Variants in PES1 observed in about 807,000 individuals in gnomAD.
PES1 encodes pescadillo ribosomal biogenesis factor 1, also known as pescadillo homolog.
A neutral mutation model predicts 77.1 loss-of-function variants in PES1; 31 were observed. The observed-to-expected ratio is 0.40, with a 90% CI of 0.30 to 0.54. The LOEUF (loss-of-function observed/expected upper bound fraction) is 0.54. Among genes scored for constraint, PES1 ranks in the 20% least tolerant of loss-of-function variants. The pLI is 0.45. For synonymous variants in PES1, 282 were observed against 303.0 expected (o/e 0.93, Z 0.72); for missense variants, 658 against 771.7 (o/e 0.85, Z 1.75).
rs535634415 is a variant in PES1, at chr22:30,584,438, T to C, written c.557A>G (p.Lys186Arg). Residue 186 changes from lysine (K) to arginine (R), a missense_variant, in exon 6 of 15, where the codon AAA becomes AGA. Lys to Arg is a conservative substitution (Grantham distance 26). Transcript: ENST00000354694. ...RALRKVFLSI[K>R]GIYYQAEVLG... is the part of the protein sequence containing the mutation. The stretch of plus-strand genomic sequence containing the variant: ...TACCTCGGCCTGGTAGTAAATGCCT[T>C]TGATGGACAGGAAGACCTAGGGGAG... 20 of 1,612,258 alleles carry C rather than the reference T, an allele frequency of 1.2e-5. No homozygotes were observed. The Middle Eastern group carries it at 5.0e-4, about 40-fold the overall frequency.
chr22:30,588,298 C>G, intron 2 of PES1, 124 bp from the exon 3 acceptor site: 1 of 988,786 alleles, frequency 1.0e-6, no homozygotes, highest in African/African-American at 1.6e-5. Flanking sequence ...AGAGACCTCA[C>G]ATCCTAGTAC....
At chr22:30,589,479 A>C (rs982650175) in intron 1 of PES1, among the ~76,000 whole-genome samples, 1 of 152,148 alleles carries the variant, frequency 6.6e-6, no homozygotes, top group Non-Finnish European at 1.5e-5. Context: ...GAACACATAC[A>C]TCTGCATGAT....
intron 4 of PES1, among the ~76,000 whole-genome samples, chr22:30,585,980 G>GGA (rs1325874315): frequency 1.3e-5 from 2 of 152,220 alleles, no homozygotes; most frequent in African/African-American, 4.8e-5. Flanking sequence ...CTGGTGCCTT[G>GGA]TAGTTTCCTC....
intron 3 of PES1, among the ~76,000 whole-genome samples, chr22:30,587,774 A>G (rs2087114513): frequency 1.3e-5 from 2 of 152,266 alleles, no homozygotes; most frequent in South Asian, 2.1e-4. Flanking sequence ...AGACTATATC[A>G]GCATGAAACA....
chr22:30,594,381 G>A (rs1327148173), upstream of PES1, among the ~76,000 whole-genome samples: 5 of 151,796 alleles, frequency 3.3e-5, no homozygotes, highest in South Asian at 4.2e-4. Context: ...TTGTCTGGGC[G>A]TGGTGATGCA....
Position 30,581,017 on chromosome 22 carries a change from C to A in PES1, c.907G>T (p.Asp303Tyr). The A allele has an allele frequency of 6.2e-7, 1 of 1,612,008 alleles. No individual in the cohort carries two copies. Among genetic ancestry groups the A allele is most frequent in the Non-Finnish European group, 8.5e-7 (1 of 1,179,046 alleles). ...GAAGGCAGTGCAGTGCTCACCCCAT[C>A]GGTGGGAAACTCATCCACCTCGGCC... is the stretch of plus-strand genomic sequence containing the variant. ...EEAEVDEFPT[D>Y]GEMSAQEEDR... Residue 303 changes from aspartate (D) to tyrosine (Y), a missense_variant, in exon 9 of 15, where the codon GAT becomes TAT. Transcript: ENST00000354694.
At chr22:30,596,883 G>C (rs550549814), upstream of PES1, among the ~76,000 whole-genome samples, 85 of 152,346 alleles carry the variant, frequency 5.6e-4, no homozygotes, top group Admixed American at 9.1e-4. Flanking sequence ...GCAGGAACCA[G>C]GGCTGTGCGC....
rs75046423 is a variant in PES1 at position 30,579,340 on chromosome 22, T to G, written c.1355-37A>C. 2.5e-3 allele frequency: 3,919 copies of G among 1,599,268 alleles called. 82 individuals carry two copies. In the African/African-American group the frequency reaches 0.042, roughly 17 times the overall value. Reference sequence around the variant, plus strand: ...CAATGTCCTCTGAATGCCCTGGGAATCTACTGTCTCTCTGGCAGGGTGACA... The same window carrying G: ...CAATGTCCTCTGAATGCCCTGGGAAGCTACTGTCTCTCTGGCAGGGTGACA... On this transcript the variant is annotated intron_variant, in intron 12 of 14. Transcript: ENST00000354694.
At position 30,598,109 on chromosome 22, in the gene PES1, G is replaced by A. The variant is rs147732205; in HGVS notation, c.-660-5711C>T. On this transcript the variant is annotated intron_variant, in intron 2 of 16. Transcript: ENST00000402281. ...CGTTTTAGCCGGGATGGTCTCGATC[G>A]CAGTTGAAGTTTTATTCTTTCACTG... Among the ~76,000 whole-genome samples, 496 of 152,098 alleles carry A rather than the reference G, an allele frequency of 3.3e-3. 1 individual carries two copies. Among genetic ancestry groups the A allele is most frequent in the African/African-American group, 0.011 (460 of 41,498 alleles).
Position 30,579,311 on chromosome 22 carries a change from A to C in PES1, c.1355-8T>G. 2 of 1,599,994 alleles carry C rather than the reference A, an allele frequency of 1.3e-6. No homozygotes were observed. Among genetic ancestry groups the C allele is most frequent in the East Asian group, 4.5e-5 (2 of 44,876 alleles). On this transcript the variant is annotated splice_region_variant and splice_polypyrimidine_tract_variant and intron_variant, in intron 12 of 14. Coordinates refer to ENST00000354694, the MANE Select transcript of PES1 (RefSeq NM_014303.4). The stretch of plus-strand genomic sequence containing the variant: ...CTGACTCATTCAGGTTTCCTAGAGA[A>C]AGCCAATGTCCTCTGAATGCCCTGG...
chr22:30,601,077 T>C (rs2087347744), intron 2 of PES1, among the ~76,000 whole-genome samples: 1 of 152,186 alleles, frequency 6.6e-6, no homozygotes, highest in African/African-American at 2.4e-5. Flanking sequence ...AAGGTGGAAG[T>C]TGCATTTTCT....
At chr22:30,592,552 T>C (rs1334080558), upstream of PES1, among the ~76,000 whole-genome samples, 1 of 152,156 alleles carries the variant, frequency 6.6e-6, no homozygotes, top group Non-Finnish European at 1.5e-5. Flanking sequence ...ATCCCAGCAC[T>C]TTGGGAGGCC....
At chr22:30,592,323 T>C (rs1379601842), upstream of PES1, 1 of 990,452 alleles carries the variant, frequency 1.0e-6, no homozygotes, top group Non-Finnish European at 1.2e-6. Context: ...GAGAAGCGGT[T>C]CCCGAGGGGC....
chr22:30,578,443 A>G (rs1394893067), intron 14 of PES1, among the ~76,000 whole-genome samples: 1 of 152,226 alleles, frequency 6.6e-6, no homozygotes, highest in Non-Finnish European at 1.5e-5. Context: ...TCCAGGGTGC[A>G]TGAGTTTGTA....
chr22:30,596,515 T>A (rs968226531), upstream of PES1, among the ~76,000 whole-genome samples: 135 of 151,488 alleles, frequency 8.9e-4, no homozygotes, highest in Non-Finnish European at 1.3e-3. Flanking sequence ...AAAAAAAAGA[T>A]TTTAAAAATC....
chr22:30,597,450 CAA>C (rs2087272370), intron 2 of PES1, among the ~76,000 whole-genome samples: 1 of 151,340 alleles, frequency 6.6e-6, no homozygotes. Context: ...GTGTCTAGCT[CAA>C]GTTTTGTAAA....
chr22:30,583,995 G>C (rs1248714071), intron 6 of PES1, among the ~76,000 whole-genome samples: 5 of 152,266 alleles, frequency 3.3e-5, no homozygotes. Flanking sequence ...CACTGTCCCC[G>C]TGGTGGCACC....
upstream of PES1, among the ~76,000 whole-genome samples, chr22:30,593,932 TAGAA>T (rs2087220576): frequency 6.6e-6 from 1 of 152,134 alleles, no homozygotes; most frequent in Admixed American, 6.5e-5. Flanking sequence ...TAACGTATAG[TAGAA>T]AGAATGTTAT....
chr22:30,593,550 C>T (rs1371383235), upstream of PES1, among the ~76,000 whole-genome samples: 1 of 151,972 alleles, frequency 6.6e-6, no homozygotes, highest in Admixed American at 6.6e-5. Flanking sequence ...CAGTGGCTGG[C>T]TCATGAGGGC....
Sources: gnomAD v4.1 joint callset for allele counts (sites outside exome capture counted in the v4.1 genomes callset) on GRCh38, gnomAD v4.1.1 for gene constraint, MANE v1.5 for transcripts, NCBI Gene and HGNC (gene_info 2026-07-23, HGNC 2026-07-21) for gene names.